Variants in PLEK2 observed in about 807,000 individuals in gnomAD.
PLEK2 encodes pleckstrin 2, also known as pleckstrin-2.
In PLEK2, 29 loss-of-function variants were observed where a neutral mutation model predicts 43.8. The observed-to-expected ratio is 0.66, with a 90% CI of 0.49 to 0.90. The LOEUF (loss-of-function observed/expected upper bound fraction) is 0.90, where lower values mean the gene tolerates loss of function less well. PLEK2 is among the 40% of genes least tolerant of loss of function. The pLI, the probability that PLEK2 is intolerant of heterozygous loss-of-function variation, is 0.00. For synonymous variants in PLEK2, 162 were observed against 173.2 expected, an observed-to-expected ratio of 0.94 and a Z score of 0.51; for missense variants, 398 against 448.1, an observed-to-expected ratio of 0.89 and a Z score of 1.01.
At chr14:67,401,215 G>A (rs574001052) in intron 1 of PLEK2, among the ~76,000 whole-genome samples, 3 of 152,106 alleles carry the variant, frequency 2.0e-5, no homozygotes, top group South Asian at 2.1e-4. Flanking sequence ...GGTTGGCTGC[G>A]GTGGCTCAGG....
chr14:67,407,575 G>C (rs146011093), intron 1 of PLEK2, among the ~76,000 whole-genome samples: 1 of 151,772 alleles, frequency 6.6e-6, no homozygotes, highest in Non-Finnish European at 1.5e-5. Context: ...CAAGCAGCTG[G>C]GACTACAAGC....
At chr14:67,410,943 C>G (rs2086111191) in intron 1 of PLEK2, among the ~76,000 whole-genome samples, 1 of 152,024 alleles carries the variant, frequency 6.6e-6, no homozygotes, top group South Asian at 2.1e-4. Flanking sequence ...CCCGGGAGTT[C>G]AAGACCTGCC....
chr14:67,391,630 A>G (rs1453734059), intron 6 of PLEK2, among the ~76,000 whole-genome samples: 3 of 152,202 alleles, frequency 2.0e-5, no homozygotes, highest in Non-Finnish European at 4.4e-5. Context: ...ACACACATTC[A>G]CATGGTATAC....
In PLEK2 at chr14:67,408,401, T is replaced by C. The variant is rs527315557; in HGVS notation, c.42+3617A>G. Among the ~76,000 whole-genome samples, 199 of 151,944 alleles carry C rather than the reference T, an allele frequency of 1.3e-3. 2 individuals carry two copies. Among genetic ancestry groups the C allele is most frequent in the Non-Finnish European group, 2.3e-3 (159 of 67,914 alleles). On this transcript the variant is annotated intron_variant, in intron 1 of 8. Transcript: ENST00000216446. ...GGGATGATACTTGCTATGGGTTGAATTGTATTTCCCCAAAAAAGATACACT... is the reference window on the plus strand; with the variant it reads ...GGGATGATACTTGCTATGGGTTGAACTGTATTTCCCCAAAAAAGATACACT...
At chr14:67,400,126 C>A (rs529230589) in intron 1 of PLEK2, among the ~76,000 whole-genome samples, 1 of 152,334 alleles carries the variant, frequency 6.6e-6, no homozygotes, top group Admixed American at 6.5e-5. Flanking sequence ...TAGAAGGAAT[C>A]GTCTGCACCA....
intron 1 of PLEK2, among the ~76,000 whole-genome samples, chr14:67,411,136 CAAAAAAAAA>C (rs925514488): frequency 2.5e-3 from 128 of 52,078 alleles, no homozygotes; most frequent in African/African-American, 8.4e-3. Flanking sequence ...GACCCTGTCT[CAAAAAAAAA>C]AAAAAAAAAA....
At chr14:67,390,885 C>G in intron 6 of PLEK2, 139 bp from the exon 7 acceptor site, 1 of 729,882 alleles carries the variant, frequency 1.4e-6, no homozygotes, top group Non-Finnish European at 2.5e-6. Context: ...CCACAGGAAA[C>G]CTGAGGATAG....
chr14:67,395,577 T>G lies in PLEK2; in HGVS notation c.214A>C (p.Ile72Leu). 6 of 1,613,980 alleles carry G rather than the reference T, an allele frequency of 3.7e-6. No homozygotes were observed. Among genetic ancestry groups the G allele is most frequent in the Non-Finnish European group, 5.1e-6 (6 of 1,179,938 alleles). Residue 72 changes from isoleucine to leucine, a missense_variant, in exon 3 of 9, where the codon ATT (isoleucine) becomes CTT (leucine). Physicochemically the swap from Ile to Leu is conservative, Grantham distance 5 (BLOSUM62 2). Coordinates refer to ENST00000216446, the MANE Select transcript of PLEK2 (RefSeq NM_016445.3). ...CLEYENRPLL[I>L]KLKTQTSTEY... ...GTGGATGTTTGAGTCTTCAGCTTAA[T>G]GAGGAGCTGTGGGAAGAGAGAGCCA...
chr14:67,392,864 C>T lies in PLEK2; in HGVS notation c.482-15G>A. ...CAGGGAGGAGCCTGGCCAAGGGCAG[C>T]ACCAGTCAGGCGATGGGTGATGGAC... is the stretch of plus-strand genomic sequence containing the variant. On this transcript the variant is annotated splice_polypyrimidine_tract_variant and intron_variant, in intron 4 of 8. Coordinates refer to ENST00000216446, the MANE Select transcript of PLEK2 (RefSeq NM_016445.3). 1 of 1,599,128 alleles carries T rather than the reference C, an allele frequency of 6.3e-7. No homozygotes were observed.
chr14:67,404,028 G>A (rs1370515816), intron 1 of PLEK2, among the ~76,000 whole-genome samples: 1 of 152,042 alleles, frequency 6.6e-6, no homozygotes, highest in African/African-American at 2.4e-5. Flanking sequence ...ACTCTAGCCT[G>A]GGCAACACAG....
chr14:67,392,586 GC>G, intron 5 of PLEK2, 75 bp downstream of exon 5: 2 of 1,373,836 alleles, frequency 1.5e-6, no homozygotes, highest in Non-Finnish European at 2.0e-6. Flanking sequence ...CATGACTGTG[GC>G]CCCCAGGCCC....
chr14:67,411,995 C>T, intron 1 of PLEK2, 23 bp downstream of exon 1: 2 of 1,537,676 alleles, frequency 1.3e-6, no homozygotes, highest in South Asian at 1.2e-5. Context: ...CGGGCAATGT[C>T]CCGAAGCTCG....
chr14:67,389,538 C>T (rs1595654415), intron 7 of PLEK2, among the ~76,000 whole-genome samples: 1 of 152,210 alleles, frequency 6.6e-6, no homozygotes, highest in East Asian at 1.9e-4. Flanking sequence ...CTCTTCTGCA[C>T]TGTTTCCATC....
At chr14:67,408,557 G>C (rs1344186429) in intron 1 of PLEK2, among the ~76,000 whole-genome samples, 1 of 152,084 alleles carries the variant, frequency 6.6e-6, no homozygotes, top group Non-Finnish European at 1.5e-5. Context: ...GTCCTTATAG[G>C]AAGAGGAAAA....
chr14:67,409,296 C>G (rs2086101234), intron 1 of PLEK2, among the ~76,000 whole-genome samples: 1 of 150,818 alleles, frequency 6.6e-6, no homozygotes, highest in Admixed American at 6.6e-5. Flanking sequence ...CTAATCTCAG[C>G]ACTCTGGGAG....
intron 2 of PLEK2, 86 bp from the exon 3 acceptor site, chr14:67,395,669 T>C (rs2086003307): frequency 9.1e-7 from 1 of 1,097,544 alleles, no homozygotes. Flanking sequence ...CCCGGGAGAA[T>C]CTAGGTGACA....
At position 67,397,522 on chromosome 14, in the gene PLEK2, T is replaced by C. The variant is rs1053635480; in HGVS notation, c.207+140A>G. The C allele has an allele frequency of 2.4e-5, 16 of 655,686 alleles. No homozygotes were observed. The African/African-American group carries it at 2.7e-4, about 11-fold the overall frequency. The allele number at this position is 655,686 out of a possible 1,614,324, so 40.6% of individuals were successfully genotyped here. A position where few individuals can be genotyped will look rare whatever the true frequency, so the allele number is the denominator to read the frequency against. On this transcript the variant is annotated intron_variant, in intron 2 of 8. Coordinates refer to ENST00000216446, the MANE Select transcript of PLEK2 (RefSeq NM_016445.3). ...TGTCCAAGCTCACATACCTGGTATG[T>C]GGCGGAGCCAGGATTTGAATCCAAG...
intron 6 of PLEK2, 43 bp downstream of exon 6, chr14:67,392,283 T>C (rs773888135): frequency 1.6e-6 from 2 of 1,289,874 alleles, no homozygotes; most frequent in Admixed American, 3.4e-5. Context: ...TCCCCTAAGC[T>C]TGAGAACTGT....
At chr14:67,400,084 C>T (rs894497648) in intron 1 of PLEK2, among the ~76,000 whole-genome samples, 11 of 152,196 alleles carry the variant, frequency 7.2e-5, no homozygotes, top group South Asian at 2.1e-4. Context: ...ACACTCAGCA[C>T]GTACTAAGAG....
Sources: allele counts gnomAD v4.1 joint callset (sites outside exome capture counted in the v4.1 genomes callset), GRCh38; gene constraint gnomAD v4.1.1; transcripts MANE v1.5; gene names NCBI Gene and HGNC (gene_info 2026-07-23, HGNC 2026-07-21).